Variants in ATP8B3 observed in about 807,000 individuals in gnomAD.
The protein encoded by ATP8B3 is phospholipid-transporting ATPase IK.
In ATP8B3, 141 loss-of-function variants were observed where a neutral mutation model predicts 140.9. The ratio of observed to expected loss-of-function variants is 1.00; its 90% CI spans 0.87 to 1.15. The LOEUF (loss-of-function observed/expected upper bound fraction) is 1.15, where lower values mean the gene tolerates loss of function less well. Among genes scored for constraint, ATP8B3 ranks in the 50% most tolerant of loss-of-function variants. ATP8B3 has a pLI of 0.00. For missense variants in ATP8B3, 1,874 were observed against 1,740.6 expected, an observed-to-expected ratio of 1.08 and a Z score of -1.36; for synonymous variants, 765 against 714.6, an observed-to-expected ratio of 1.07 and a Z score of -1.13.
chr19:1,790,674 C>G (rs554085725), intron 21 of ATP8B3, 83 bp downstream of exon 21: 6 of 1,237,276 alleles, frequency 4.8e-6, no homozygotes, highest in South Asian at 4.4e-5. Context: ...TTGGGCTCCC[C>G]GTCCAGTGAG....
chr19:1,795,513 T>G (rs1291974691), intron 18 of ATP8B3, among the ~76,000 whole-genome samples: 5 of 152,036 alleles, frequency 3.3e-5, no homozygotes, highest in Non-Finnish European at 7.4e-5. Flanking sequence ...ACTGTGCCAC[T>G]GCACTCCAGC....
intron 4 of ATP8B3, 114 bp downstream of exon 4, chr19:1,809,529 A>G (rs2069126498): frequency 2.3e-6 from 2 of 886,634 alleles, no homozygotes; most frequent in African/African-American, 3.4e-5. Context: ...CAAAAAAAGA[A>G]AACTATCGAG....
rs749893698 is a variant in ATP8B3, at chr19:1,811,768, G to A, written c.-32C>T. On this transcript the variant is annotated 5_prime_UTR_variant, in exon 2 of 29. Transcript: ENST00000310127. ...CATGAGGAAAAGGGAGGTTCAGGGCGAAGAGGGGTTTAGGCTGTGGGACGG... is the reference window on the plus strand; with the variant it reads ...CATGAGGAAAAGGGAGGTTCAGGGCAAAGAGGGGTTTAGGCTGTGGGACGG... 29 of 1,553,854 alleles carry A rather than the reference G, an allele frequency of 1.9e-5. No individual in the cohort carries two copies. Among genetic ancestry groups the A allele is most frequent in the South Asian group, 2.4e-5 (2 of 83,158 alleles).
At chr19:1,791,321 C>T (rs566484946) in intron 20 of ATP8B3, among the ~76,000 whole-genome samples, 34 of 151,982 alleles carry the variant, frequency 2.2e-4, no homozygotes, top group Non-Finnish European at 4.3e-4. Flanking sequence ...AGCGAGCCTC[C>T]TGCCTCGTTT....
At chr19:1,797,625 G>T (rs1475735428) in intron 14 of ATP8B3, among the ~76,000 whole-genome samples, 1 of 151,346 alleles carries the variant, frequency 6.6e-6, no homozygotes, top group East Asian at 1.9e-4. Context: ...TCAGCCTCCC[G>T]AGTAGCTGGG....
chr19:1,795,856 C>A lies in ATP8B3; in HGVS notation c.2055+19G>T, dbSNP rs777978977. ...ACACACACACACACACATAAGCCAG[C>A]CTTCCTGAAGGGACTCACAGCCAAG... On this transcript the variant is annotated intron_variant, in intron 18 of 28. Coordinates refer to ENST00000310127, the MANE Select transcript of ATP8B3 (RefSeq NM_138813.4). The A allele has an allele frequency of 1.2e-5, 18 of 1,517,412 alleles. No homozygotes were observed. In the Admixed American group the frequency reaches 2.0e-4, roughly 17 times the overall value. The allele number at this position is 1,517,412 out of a possible 1,614,324, so 94.0% of individuals were successfully genotyped here. A position where few individuals can be genotyped will look rare whatever the true frequency, so the allele number is the denominator to read the frequency against.
Position 1,800,425 on chromosome 19 carries a change from A to G in ATP8B3, c.1177T>C (p.Cys393Arg). ...CCGAAGCCGAAGGCCAACACCAGGCAGACAAGCACCACGGAGATGAAGATC... is the reference window on the plus strand; with the variant it reads ...CCGAAGCCGAAGGCCAACACCAGGCGGACAAGCACCACGGAGATGAAGATC... ...VVIFISVVLV[C>R]LVLAFGFGFS... The change falls in exon 13 of 29, where the codon TGC (cysteine) becomes CGC (arginine). Residue 393 changes from cysteine to arginine, a missense_variant. Cys to Arg is a radical substitution (Grantham distance 180). Coordinates refer to ENST00000310127, the MANE Select transcript of ATP8B3 (RefSeq NM_138813.4). This position sits in a 1 kb window ranked among gnomAD's most constrained non-coding sequence, Gnocchi z 4.4. The G allele has an allele frequency of 6.2e-7, 1 of 1,611,178 alleles. No homozygotes were observed. Among genetic ancestry groups the G allele is most frequent in the Non-Finnish European group, 8.5e-7 (1 of 1,178,894 alleles).
Position 1,789,719 on chromosome 19 carries a change from C to T in ATP8B3, c.2487G>A (p.Leu829=). The change falls in exon 23 of 29, where the codon CTG becomes CTA. Residue 829 remains leucine, a synonymous_variant. Coordinates refer to ENST00000310127, the MANE Select transcript of ATP8B3 (RefSeq NM_138813.4). ...GCGGCTCCTTCCGCAGGGACACCAG[C>T]AGTTTGTCCTGGCCGGCGGGGAGGG... ...LVINGDFLDK[L]LVSLRKEPRA... is the part of the protein sequence containing the mutation. 6.4e-7 allele frequency: 1 copy of T among 1,570,784 alleles called. No individual in the cohort carries two copies. The highest frequency in any genetic ancestry group is 8.6e-7 in the Non-Finnish European group (1 of 1,162,092).
At chr19:1,797,267 G>A (rs1000832168) in intron 14 of ATP8B3, among the ~76,000 whole-genome samples, 17 of 149,182 alleles carry the variant, frequency 1.1e-4, no homozygotes, top group Admixed American at 3.3e-4. Flanking sequence ...AGCCGGATGC[G>A]GCCCCGTCCC....
intron 10 of ATP8B3, among the ~76,000 whole-genome samples, chr19:1,803,164 T>C (rs2068906119): frequency 6.6e-6 from 1 of 151,988 alleles, no homozygotes; most frequent in South Asian, 2.1e-4. Flanking sequence ...CAGCCCCCCA[T>C]TCACCAACAC....
intron 25 of ATP8B3, 55 bp downstream of exon 25, chr19:1,787,040 CGGAGGAGA>C (rs2068327965): frequency 8.4e-6 from 12 of 1,430,698 alleles, no homozygotes; most frequent in African/African-American, 1.4e-5. Flanking sequence ...CCCCAAGGAG[CGGAGGAGA>C]GGAGGAGAGG....
intron 16 of ATP8B3, 67 bp downstream of exon 16, chr19:1,796,644 G>T: frequency 6.5e-7 from 1 of 1,545,824 alleles, no homozygotes; most frequent in East Asian, 2.3e-5. Flanking sequence ...GTGAGCTGCG[G>T]GGCTGGGGAC....
At chr19:1,783,332 TC>T in intron 28 of ATP8B3, 62 bp from the exon 29 acceptor site, 2 of 1,547,224 alleles carry the variant, frequency 1.3e-6, no homozygotes, top group South Asian at 2.4e-5. Flanking sequence ...GGCTCTCAGG[TC>T]CCCCAAGTAG....
rs748466194 is a variant in ATP8B3 at position 1,796,754 on chromosome 19, G to A, written c.1710C>T (p.Ile570=). 1.9e-6 allele frequency: 3 copies of A among 1,612,092 alleles called. No homozygotes were observed. In the African/African-American group the frequency reaches 4.0e-5, roughly 22 times the overall value. ...AVREFWRLLA[I]CHTVMVRESP... is the part of the protein sequence containing the mutation. ...TCTCCCGCACCATCACCGTGTGGCA[G>A]ATGGCCAGCAGGCGCCAGAACTCCC... Residue 570 remains isoleucine, a synonymous_variant, in exon 16 of 29, where the codon ATC becomes ATT. Coordinates refer to ENST00000310127, the MANE Select transcript of ATP8B3 (RefSeq NM_138813.4).
At chr19:1,796,541 G>A (rs2145189873) in intron 16 of ATP8B3, among the ~76,000 whole-genome samples, 170 bp downstream of exon 16, 1 of 152,354 alleles carries the variant, frequency 6.6e-6, no homozygotes, top group African/African-American at 2.4e-5. Context: ...AGCACTGTCT[G>A]GGCTCCAGGC....
In ATP8B3 at chr19:1,805,970, T is replaced by TGG; in HGVS notation, c.751-14_751-13dup. On this transcript the variant is annotated splice_polypyrimidine_tract_variant and intron_variant, in intron 8 of 28. Transcript: ENST00000310127. The surrounding 1 kb of genome is among the most constrained non-coding windows in gnomAD (Gnocchi z 5.2). ...AAGAGCATGTCGGCCTGGTGTGGAG[T>TGG]GGGGGGCAGCGTTGCAAGAGGGGAT... 6.2e-7 allele frequency: 1 copy of TGG among 1,610,426 alleles called. No individual in the cohort carries two copies. The highest frequency in any genetic ancestry group is 8.5e-7 in the Non-Finnish European group (1 of 1,179,264).
At chr19:1,803,326 C>T (rs1470405636) in intron 10 of ATP8B3, among the ~76,000 whole-genome samples, 2 of 152,144 alleles carry the variant, frequency 1.3e-5, no homozygotes, top group Non-Finnish European at 2.9e-5. Flanking sequence ...CTCCCCATCG[C>T]GTCTTAGGGA....
chr19:1,796,412 G>T, intron 16 of ATP8B3, 147 bp from the exon 17 acceptor site: 1 of 826,186 alleles, frequency 1.2e-6, no homozygotes, highest in Non-Finnish European at 1.8e-6. Flanking sequence ...GCATGGAGGT[G>T]AGCACTTGAG....
In ATP8B3 at chr19:1,811,480, C is replaced by T. The variant is rs565003118; in HGVS notation, c.248+9G>A. The T allele has an allele frequency of 2.4e-5, 39 of 1,609,440 alleles. No homozygotes were observed. The South Asian group carries it at 3.1e-4, about 13-fold the overall frequency. On this transcript the variant is annotated intron_variant, in intron 2 of 28. Coordinates refer to ENST00000310127, the MANE Select transcript of ATP8B3 (RefSeq NM_138813.4). ...CTGTGTTCCGGCCACCCGATGCACC[C>T]GTCCTCACCCTTCTGGTCTCCATTC...
Sources: gnomAD v4.1 joint callset for allele counts (sites outside exome capture counted in the v4.1 genomes callset) on GRCh38, gnomAD v4.1.1 for gene constraint, Gnocchi (gnomAD v3.1) non-coding constraint, MANE v1.5 for transcripts, NCBI Gene and HGNC (gene_info 2026-07-23, HGNC 2026-07-21) for gene names.